The following WDHD1 variants were observed in gnomAD, a reference collection of about 807,000 sequenced individuals.
WDHD1 encodes WD repeat and HMG-box DNA-binding protein 1.
In WDHD1, 111 loss-of-function variants were observed where a neutral mutation model predicts 135.4. The observed-to-expected ratio is 0.82, with a 90% CI of 0.70 to 0.96. The LOEUF (loss-of-function observed/expected upper bound fraction) is 0.96. Ranked by LOEUF, WDHD1 falls within the 40% of genes least tolerant of loss-of-function variation. The probability of loss-of-function intolerance (pLI) is 0.00; values close to 1 mark genes in which losing one functional copy is unlikely to be tolerated. For synonymous variants in WDHD1, 434 were observed against 439.0 expected (o/e 0.99, Z 0.14); for missense variants, 1,351 against 1,336.3 (o/e 1.01, Z -0.17).
At position 54,962,862 on chromosome 14, in the gene WDHD1, AAAT is replaced by A; in HGVS notation, c.2532-12_2532-10del. ...TAGCAGTATTGCTGTAACTAAGAGA[AAAT>A]AATATTATTCAATAAAGAGCTATGC... On this transcript the variant is annotated splice_polypyrimidine_tract_variant and intron_variant, in intron 19 of 25. Transcript: ENST00000360586. 3 of 1,611,514 alleles carry A rather than the reference AAAT, an allele frequency of 1.9e-6. No homozygotes were observed. Among genetic ancestry groups the A allele is most frequent in the Non-Finnish European group, 2.5e-6 (3 of 1,179,750 alleles).
At chr14:54,959,792 C>T (rs549903737) in intron 21 of WDHD1, among the ~76,000 whole-genome samples, 25 of 151,790 alleles carry the variant, frequency 1.6e-4, no homozygotes, top group Admixed American at 1.2e-3. Context: ...GCACCCCCCC[C>T]ACCAAACAAA....
intron 7 of WDHD1, 55 bp from the exon 8 acceptor site, chr14:55,002,240 G>A: frequency 8.0e-7 from 1 of 1,252,594 alleles, no homozygotes; most frequent in Non-Finnish European, 1.1e-6. Context: ...TGAATTTGAA[G>A]AAGGAAAAAG....
chr14:54,950,097 G>A lies in WDHD1; in HGVS notation c.3050+5464C>T, dbSNP rs563109892. ...GAAACTGCATCAATTAATGAGCAAA[G>A]TAACCAGCTAACATCATAATGACAG... On this transcript the variant is annotated intron_variant, in intron 24 of 25. Coordinates refer to ENST00000360586, the MANE Select transcript of WDHD1 (RefSeq NM_007086.4). Among the ~76,000 whole-genome samples the A allele has an allele frequency of 3.4e-3, 513 of 152,258 alleles. 3 individuals carry two copies. Among genetic ancestry groups the A allele is most frequent in the African/African-American group, 0.011 (471 of 41,542 alleles).
chr14:54,997,224 T>G (rs925124251), intron 10 of WDHD1, among the ~76,000 whole-genome samples: 1 of 150,738 alleles, frequency 6.6e-6, no homozygotes, highest in African/African-American at 2.4e-5. Context: ...GCTTCCTGAG[T>G]ACCTGGGTTT....
chr14:55,014,296 C>T lies in WDHD1; in HGVS notation c.78-700G>A, dbSNP rs11847317. 8.1e-3 allele frequency among the ~76,000 whole-genome samples: 1,236 copies of T among 152,258 alleles called. 17 individuals are homozygous for T. The highest frequency in any genetic ancestry group is 0.029 in the African/African-American group (1,185 of 41,540). ...GTAGAGACAGGGTGTCCCTACGTTG[C>T]CCAGGCTGGTCTTGAGCTCCTGGGC... On this transcript the variant is annotated intron_variant, in intron 2 of 25. Transcript: ENST00000360586.
chr14:55,022,638 C>T (rs996282604), intron 2 of WDHD1, among the ~76,000 whole-genome samples: 2 of 151,688 alleles, frequency 1.3e-5, no homozygotes, highest in Non-Finnish European at 2.9e-5. Flanking sequence ...GCTAAGATCG[C>T]GCCACTGCAC....
intron 7 of WDHD1, chr14:55,005,189 C>A: frequency 1.8e-6 from 1 of 540,676 alleles, no homozygotes; most frequent in Non-Finnish European, 3.6e-6. Flanking sequence ...TGAGTGAGCT[C>A]CCTTGCTGTT....
At chr14:54,954,235 A>C (rs1475246172) in intron 24 of WDHD1, among the ~76,000 whole-genome samples, 1 of 152,148 alleles carries the variant, frequency 6.6e-6, no homozygotes. Flanking sequence ...GCAGTGAGCC[A>C]AGATCGTGCC....
intron 20 of WDHD1, 60 bp downstream of exon 20, chr14:54,962,678 A>C: frequency 6.3e-7 from 1 of 1,588,212 alleles, no homozygotes; most frequent in Non-Finnish European, 8.6e-7. Flanking sequence ...GTTAAGCAAA[A>C]TGGGAAAAGC....
chr14:54,943,373 A>T (rs1169549358), intron 25 of WDHD1, among the ~76,000 whole-genome samples: 1 of 152,150 alleles, frequency 6.6e-6, no homozygotes, highest in East Asian at 1.9e-4. Flanking sequence ...GTATTCAAAA[A>T]ATGTGAATTC....
intron 24 of WDHD1, among the ~76,000 whole-genome samples, chr14:54,945,567 G>C (rs2040909135): frequency 6.6e-6 from 1 of 152,162 alleles, no homozygotes; most frequent in South Asian, 2.1e-4. Context: ...TAGAGATGGA[G>C]TCTAGCTCTT....
chr14:54,999,759 C>T (rs1413433100), intron 10 of WDHD1, among the ~76,000 whole-genome samples: 1 of 152,040 alleles, frequency 6.6e-6, no homozygotes, highest in African/African-American at 2.4e-5. Context: ...CACCACCACA[C>T]TTGCCTAATT....
chr14:54,957,673 A>G (rs761167775), intron 21 of WDHD1, 38 bp from the exon 22 acceptor site: 2 of 1,542,430 alleles, frequency 1.3e-6, no homozygotes, highest in Non-Finnish European at 8.8e-7. Context: ...ATAATGGTAG[A>G]AAATAGATGA....
At position 54,962,975 on chromosome 14, in the gene WDHD1, ATCT is replaced by A. The variant is rs138036839; in HGVS notation, c.2505_2507del (p.Glu835del). On this transcript the variant is annotated inframe_deletion, in exon 19 of 26. Transcript: ENST00000360586. ...ACCCAGCATTCAGCTTTTTTCTGAA[ATCT>A]TCTTCTTCTTCTTCCTCTTCCACCT... 622 of 1,613,066 alleles carry A rather than the reference ATCT, an allele frequency of 3.9e-4. 3 individuals carry two copies. In the African/African-American group the frequency reaches 6.4e-3, roughly 17 times the overall value.
At chr14:54,960,404 G>A (rs941117340) in intron 21 of WDHD1, among the ~76,000 whole-genome samples, 7 of 151,896 alleles carry the variant, frequency 4.6e-5, no homozygotes, top group Non-Finnish European at 8.8e-5. Flanking sequence ...TCCTGACCTC[G>A]TGATCCACCC....
chr14:55,026,615 T>A, intron 2 of WDHD1, 96 bp downstream of exon 2: 1 of 1,185,968 alleles, frequency 8.4e-7, no homozygotes, highest in Admixed American at 1.7e-5. Context: ...TATTCCTCTA[T>A]CCGCATGAGT....
intron 2 of WDHD1, among the ~76,000 whole-genome samples, chr14:55,014,200 C>G (rs956099289): frequency 6.6e-6 from 1 of 152,202 alleles, no homozygotes; most frequent in Admixed American, 6.5e-5. Flanking sequence ...CTCAAGTGAT[C>G]AAACCACTTC....
chr14:55,015,702 T>A (rs1162017665), intron 2 of WDHD1, among the ~76,000 whole-genome samples: 1 of 150,128 alleles, frequency 6.7e-6, no homozygotes, highest in Non-Finnish European at 1.5e-5. Context: ...CAATGGAATT[T>A]TTTTTTTTTT....
chr14:54,991,428 G>C, intron 11 of WDHD1, 28 bp from the exon 12 acceptor site: 1 of 1,588,934 alleles, frequency 6.3e-7, no homozygotes, highest in Middle Eastern at 1.7e-4. Flanking sequence ...ATAATTAAGG[G>C]AATCACGAAT....
Sources: gnomAD v4.1 joint callset for allele counts (sites outside exome capture counted in the v4.1 genomes callset) on GRCh38, gnomAD v4.1.1 for gene constraint, MANE v1.5 for transcripts, NCBI Gene and HGNC (gene_info 2026-07-23, HGNC 2026-07-21) for gene names.